Variants in SLC35F4 observed in about 807,000 individuals in gnomAD.
SLC35F4 encodes the protein solute carrier family 35 member F4, also known as chromosome 14 open reading frame 36.
In SLC35F4, 24 loss-of-function variants were observed where a neutral mutation model predicts 44.2. That is an observed-to-expected ratio of 0.54 (90% CI 0.39 to 0.76). The LOEUF is 0.76. Ranked by LOEUF, SLC35F4 falls within the 30% of genes least tolerant of loss-of-function variation. The pLI, the probability that SLC35F4 is intolerant of heterozygous loss-of-function variation, is 0.00. For missense variants in SLC35F4, 562 were observed against 586.1 expected, an observed-to-expected ratio of 0.96 and a Z score of 0.42; for synonymous variants, 238 against 223.6, an observed-to-expected ratio of 1.06 and a Z score of -0.57.
intron 1 of SLC35F4, among the ~76,000 whole-genome samples, chr14:57,818,110 G>T (rs1044315989): frequency 6.6e-6 from 1 of 152,140 alleles, no homozygotes; most frequent in Non-Finnish European, 1.5e-5. Context: ...TTTGGTAATG[G>T]CAGAGGCCAG....
intron 1 of SLC35F4, 40 bp downstream of exon 1, chr14:57,865,683 C>A: frequency 2.7e-6 from 4 of 1,491,434 alleles, no homozygotes; most frequent in Non-Finnish European, 3.6e-6. Flanking sequence ...CGCCCACCTC[C>A]CTTCCCCGCC....
intron 3 of SLC35F4, among the ~76,000 whole-genome samples, chr14:57,587,721 T>G (rs921240448): frequency 6.6e-6 from 1 of 152,098 alleles, no homozygotes; most frequent in African/African-American, 2.4e-5. Context: ...TGTATACCCA[T>G]GTAACAAAGC....
chr14:57,953,728 T>C (rs569380739), intron 1 of SLC35F4, among the ~76,000 whole-genome samples: 1 of 152,334 alleles, frequency 6.6e-6, no homozygotes, highest in Admixed American at 6.5e-5. Flanking sequence ...AAGACCTAAC[T>C]GTCCTAAATA....
chr14:57,633,354 A>T (rs2072875348), intron 1 of SLC35F4, among the ~76,000 whole-genome samples: 1 of 152,128 alleles, frequency 6.6e-6, no homozygotes, highest in Non-Finnish European at 1.5e-5. Flanking sequence ...CCACTACAAT[A>T]ATTAAGAATT....
chr14:57,851,988 T>A (rs1233453447), intron 1 of SLC35F4, among the ~76,000 whole-genome samples: 1 of 152,178 alleles, frequency 6.6e-6, no homozygotes. Flanking sequence ...GCTTAATCAC[T>A]CATCCAGCCA....
chr14:57,771,421 G>A (rs1254383638), intron 1 of SLC35F4, among the ~76,000 whole-genome samples: 1 of 152,116 alleles, frequency 6.6e-6, no homozygotes, highest in Non-Finnish European at 1.5e-5. Flanking sequence ...TAATCAAATT[G>A]CATAAATACT....
At chr14:57,778,232 A>G (rs1016209820) in intron 1 of SLC35F4, among the ~76,000 whole-genome samples, 1 of 152,234 alleles carries the variant, frequency 6.6e-6, no homozygotes, top group South Asian at 2.1e-4. Context: ...GCCACATGGA[A>G]CTATAAGCCC....
chr14:57,931,323 A>C (rs55811463), intron 1 of SLC35F4, among the ~76,000 whole-genome samples: 3,014 of 152,248 alleles, frequency 0.02, 85 homozygotes, highest in African/African-American at 0.068. Flanking sequence ...TACATCATCA[A>C]CTTTGAATTT....
chr14:57,666,944 C>G (rs2074329877), intron 1 of SLC35F4, among the ~76,000 whole-genome samples: 1 of 152,090 alleles, frequency 6.6e-6, no homozygotes, highest in African/African-American at 2.4e-5. Flanking sequence ...GCAGAAAGTT[C>G]TAGAAAGGCC....
chr14:57,643,630 G>T (rs12897862), intron 1 of SLC35F4, among the ~76,000 whole-genome samples: 58,644 of 151,662 alleles, frequency 0.39, 12,608 homozygotes, highest in Non-Finnish European at 0.49. Flanking sequence ...TTTTATTATT[G>T]TTATACTTTA....
At chr14:57,696,106 T>C (rs202045755) in intron 1 of SLC35F4, among the ~76,000 whole-genome samples, 1 of 150,312 alleles carries the variant, frequency 6.7e-6, no homozygotes, top group African/African-American at 2.5e-5. Flanking sequence ...AACTAAAGAG[T>C]TTCTGCACAG....
intron 1 of SLC35F4, among the ~76,000 whole-genome samples, chr14:57,665,763 T>C (rs1848080755): frequency 6.6e-6 from 1 of 152,146 alleles, no homozygotes; most frequent in African/African-American, 2.4e-5. Context: ...CTAAAGAACA[T>C]GTGGGACATA....
At chr14:57,911,313 A>G (rs1343257617) in intron 1 of SLC35F4, among the ~76,000 whole-genome samples, 2 of 152,016 alleles carry the variant, frequency 1.3e-5, no homozygotes, top group African/African-American at 4.8e-5. Context: ...CAGAACTTCT[A>G]GTATGATATT....
At chr14:57,747,707 A>G (rs2076792791) in intron 1 of SLC35F4, among the ~76,000 whole-genome samples, 2 of 152,312 alleles carry the variant, frequency 1.3e-5, no homozygotes, top group South Asian at 2.1e-4. Context: ...CCTAGCTGCA[A>G]TACTATTATG....
At chr14:57,898,122 T>C (rs1566924575) in intron 1 of SLC35F4, among the ~76,000 whole-genome samples, 1 of 152,076 alleles carries the variant, frequency 6.6e-6, no homozygotes, top group Non-Finnish European at 1.5e-5. Context: ...CACTCAAAAG[T>C]AACAACTTGT....
chr14:57,792,823 G>A (rs898106948), intron 1 of SLC35F4, among the ~76,000 whole-genome samples: 12 of 152,050 alleles, frequency 7.9e-5, no homozygotes, highest in East Asian at 1.9e-4. Flanking sequence ...ACTGGGTGCC[G>A]TGTTCATTGC....
chr14:57,589,508 C>A lies in SLC35F4; in HGVS notation c.295G>T (p.Asp99Tyr), dbSNP rs1176077217. 5 of 1,602,624 alleles carry A rather than the reference C, an allele frequency of 3.1e-6. No individual in the cohort carries two copies. Among genetic ancestry groups the A allele is most frequent in the Admixed American group, 3.4e-5 (2 of 58,262 alleles). The change falls in exon 3 of 8, where the codon GAT becomes TAT. Residue 99 changes from aspartate to tyrosine, a missense_variant. Asp to Tyr is a radical substitution (Grantham distance 160). Transcript: ENST00000556826. The part of the protein sequence containing the change: ...RVERQNRSAD[D>Y]GTQTHSENSS... ...TTCTCAGAATGAGTCTGTGTCCCATCGTCTGCTGGAAACAGGAAAGGAATA... is the reference window on the plus strand; with the variant it reads ...TTCTCAGAATGAGTCTGTGTCCCATAGTCTGCTGGAAACAGGAAAGGAATA...
intron 1 of SLC35F4, among the ~76,000 whole-genome samples, chr14:57,977,108 A>G (rs1349670442): frequency 6.6e-6 from 1 of 152,182 alleles, no homozygotes; most frequent in Non-Finnish European, 1.5e-5. Flanking sequence ...GTTAAATCCT[A>G]CCTAAAGTGA....
chr14:57,582,821 A>G (rs564512269), intron 3 of SLC35F4, among the ~76,000 whole-genome samples: 28 of 152,322 alleles, frequency 1.8e-4, no homozygotes, highest in African/African-American at 6.5e-4. Flanking sequence ...AATTCTAGCC[A>G]ATGTTTGCCT....
Sources: allele counts gnomAD v4.1 joint callset (sites outside exome capture counted in the v4.1 genomes callset), GRCh38; gene constraint gnomAD v4.1.1; transcripts MANE v1.5; gene names NCBI Gene and HGNC (gene_info 2026-07-23, HGNC 2026-07-21).